The following THADA variants were observed in gnomAD, a reference collection of about 807,000 sequenced individuals.
THADA encodes tRNA (32-2'-O)-methyltransferase regulator THADA.
THADA carries 213 observed loss-of-function variants against 219.8 expected under a neutral mutation model. The observed-to-expected ratio is 0.97, with a 90% confidence interval of 0.87 to 1.09. THADA has a LOEUF of 1.09. THADA is among the 50% of genes least tolerant of loss of function. The pLI is 0.00. For synonymous variants in THADA, 1,018 were observed against 828.9 expected (o/e 1.23, Z -3.92); for missense variants, 2,956 against 2,311.3 (o/e 1.28, Z -5.72).
At chr2:43,578,375 G>T (rs995912415) in intron 9 of THADA, 138 bp downstream of exon 9, 5 of 471,870 alleles carry the variant, frequency 1.1e-5, no homozygotes, top group East Asian at 3.7e-5. Flanking sequence ...TCAAACTCCT[G>T]GCCTCAAGTG....
intron 19 of THADA, among the ~76,000 whole-genome samples, chr2:43,550,084 A>T (rs1355068532): frequency 3.9e-5 from 6 of 152,152 alleles, no homozygotes; most frequent in East Asian, 1.9e-4. Context: ...TGAATGCAAC[A>T]CTTTGTTCAT....
intron 36 of THADA, among the ~76,000 whole-genome samples, chr2:43,240,839 T>A (rs887215643): frequency 6.6e-6 from 1 of 152,168 alleles, no homozygotes; most frequent in Non-Finnish European, 1.5e-5. Flanking sequence ...TCTGAAAATT[T>A]AAAAAATTTC....
intron 4 of THADA, among the ~76,000 whole-genome samples, chr2:43,587,990 T>C (rs1701182467): frequency 6.6e-6 from 1 of 152,294 alleles, no homozygotes; most frequent in South Asian, 2.1e-4. Context: ...AATGGGAATA[T>C]TCAGAATAAG....
intron 28 of THADA, among the ~76,000 whole-genome samples, chr2:43,420,678 CAT>C (rs1677595951): frequency 6.6e-6 from 1 of 152,216 alleles, no homozygotes; most frequent in Non-Finnish European, 1.5e-5. Context: ...TGCTCAAAAA[CAT>C]ATTTAGAAAA....
chr2:43,430,340 T>C (rs1398026962), intron 26 of THADA, 38 bp from the exon 27 acceptor site: 13 of 1,197,298 alleles, frequency 1.1e-5, no homozygotes, highest in Non-Finnish European at 1.4e-5. Flanking sequence ...TATCATTTAT[T>C]CCCTTTGATC....
Position 43,556,568 on chromosome 2 carries a change from G to A in THADA, c.2464-13C>T, listed in dbSNP as rs776620524. ...GTTTCCCCGAATCCTAGAATAAAGC[G>A]CAGACTCAGTAACTGTCAAATTAAA... On this transcript the variant is annotated splice_polypyrimidine_tract_variant and intron_variant, in intron 16 of 37. Transcript: ENST00000405975. The A allele has an allele frequency of 3.0e-5, 49 of 1,607,592 alleles. No homozygotes were observed. The highest frequency in any genetic ancestry group is 6.7e-5 in the East Asian group (3 of 44,866).
chr2:43,398,020 C>T lies in THADA; in HGVS notation c.4178G>A (p.Cys1393Tyr). Residue 1393 changes from cysteine to tyrosine, a missense_variant, in exon 29 of 38, where the codon TGC becomes TAC. By Grantham distance (194) the Cys-to-Tyr change is radical (BLOSUM62 -2). Transcript: ENST00000405975. ...GTTTTGCCGGAAACACTGGTCAGTGCAGCTGGGGAGTGTGGACAACAGAGT... is the reference window on the plus strand; with the variant it reads ...GTTTTGCCGGAAACACTGGTCAGTGTAGCTGGGGAGTGTGGACAACAGAGT... ...IRTLLSTLPSCTDQCFRQNHI... is the reference protein window; with the variant it reads ...IRTLLSTLPSYTDQCFRQNHI... 1 of 1,613,974 alleles carries T rather than the reference C, an allele frequency of 6.2e-7. No individual in the cohort carries two copies. Among genetic ancestry groups the T allele is most frequent in the Non-Finnish European group, 8.5e-7 (1 of 1,179,860 alleles).
At chr2:43,527,645 G>C (rs1035771388) in intron 22 of THADA, among the ~76,000 whole-genome samples, 1 of 151,788 alleles carries the variant, frequency 6.6e-6, no homozygotes, top group South Asian at 2.1e-4. Context: ...AAATCTTTGA[G>C]TTTGCTTCAA....
At chr2:43,482,554 C>G (rs2105003249) in intron 26 of THADA, among the ~76,000 whole-genome samples, 1 of 152,260 alleles carries the variant, frequency 6.6e-6, no homozygotes, top group South Asian at 2.1e-4. Flanking sequence ...GCTATTTTGT[C>G]TCAGTTGATT....
At chr2:43,280,669 A>G (rs1181178412) in intron 35 of THADA, among the ~76,000 whole-genome samples, 1 of 151,846 alleles carries the variant, frequency 6.6e-6, no homozygotes, top group Non-Finnish European at 1.5e-5. Context: ...AACAACAACA[A>G]CAACAAAAAA....
rs764260283 is a variant in THADA, at chr2:43,552,344, A to G, written c.2675-5T>C. Reference sequence around the variant, plus strand: ...TTTCCATCAAGCATTTGATAACTAGAAAAAGCAAACAGAAAATCAAAGTAA... The same window carrying G: ...TTTCCATCAAGCATTTGATAACTAGGAAAAGCAAACAGAAAATCAAAGTAA... On this transcript the variant is annotated splice_polypyrimidine_tract_variant and splice_region_variant and intron_variant, in intron 17 of 37. Coordinates refer to ENST00000405975, the MANE Select transcript of THADA (RefSeq NM_022065.5). The G allele has an allele frequency of 3.8e-6, 6 of 1,582,418 alleles. No homozygotes were observed. Among genetic ancestry groups the G allele is most frequent in the Non-Finnish European group, 5.1e-6 (6 of 1,168,532 alleles).
At chr2:43,451,286 G>A (rs2104895550) in intron 26 of THADA, among the ~76,000 whole-genome samples, 1 of 152,234 alleles carries the variant, frequency 6.6e-6, no homozygotes, top group Non-Finnish European at 1.5e-5. Context: ...GAGCTTGATG[G>A]CTTTAGAAAC....
At chr2:43,291,631 A>G (rs1307419898) in intron 34 of THADA, 65 bp downstream of exon 34, 1 of 1,290,380 alleles carries the variant, frequency 7.7e-7, no homozygotes, top group East Asian at 2.6e-5. Flanking sequence ...ACTTTTACTG[A>G]CATCTTCTGA....
chr2:43,477,810 C>T (rs1294741315), intron 26 of THADA, among the ~76,000 whole-genome samples: 1 of 152,236 alleles, frequency 6.6e-6, no homozygotes, highest in Non-Finnish European at 1.5e-5. Context: ...ATGAACACTT[C>T]CACATGTCCT....
chr2:43,578,154 A>ATT (rs972921221), intron 9 of THADA, among the ~76,000 whole-genome samples: 1 of 145,216 alleles, frequency 6.9e-6, no homozygotes, highest in African/African-American at 2.5e-5. Context: ...AATATTTTTA[A>ATT]TTTTTTTTTT....
In THADA at chr2:43,276,548, G is replaced by C. The variant is rs1373772117; in HGVS notation, c.5296+3217C>G. Among the ~76,000 whole-genome samples the C allele has an allele frequency of 2.0e-5, 3 of 152,168 alleles. No homozygotes were observed. In the East Asian group the frequency reaches 5.8e-4, roughly 29 times the overall value. The stretch of plus-strand genomic sequence containing the variant: ...GTCTGAATGACTGCATTTAATGCTT[G>C]CCTATTCTACAGGTTCCAGAAAGTG... On this transcript the variant is annotated intron_variant, in intron 36 of 37. Coordinates refer to ENST00000405975, the MANE Select transcript of THADA (RefSeq NM_022065.5).
intron 11 of THADA, among the ~76,000 whole-genome samples, chr2:43,574,046 CAATAA>C (rs150227913): frequency 0.36 from 54,763 of 151,392 alleles, 10,395 homozygotes; most frequent in African/African-American, 0.48. Context: ...TTCAGTGATA[CAATAA>C]AATAAATTCA....
chr2:43,581,181 T>G (rs1700400385), intron 8 of THADA, among the ~76,000 whole-genome samples: 7 of 152,062 alleles, frequency 4.6e-5, no homozygotes, highest in Admixed American at 4.6e-4. Flanking sequence ...TACAGCTTAA[T>G]AAATTATTAA....
intron 28 of THADA, among the ~76,000 whole-genome samples, chr2:43,425,957 G>T (rs1056229804): frequency 6.6e-6 from 1 of 152,136 alleles, no homozygotes; most frequent in South Asian, 2.1e-4. Flanking sequence ...TGGCACTTCT[G>T]CTGTTGGTGA....
Sources: allele counts gnomAD v4.1 joint callset (sites outside exome capture counted in the v4.1 genomes callset), GRCh38; gene constraint gnomAD v4.1.1; transcripts MANE v1.5; gene names NCBI Gene and HGNC (gene_info 2026-07-23, HGNC 2026-07-21).